The following USP8 variants were observed in gnomAD, a reference collection of about 807,000 sequenced individuals.
USP8 encodes the protein ubiquitin specific peptidase 8.
In USP8, 27 loss-of-function variants were observed where a neutral mutation model predicts 130.0. That is an observed-to-expected ratio of 0.21 (90% CI 0.15 to 0.29). The LOEUF (loss-of-function observed/expected upper bound fraction) is 0.29, where lower values mean the gene tolerates loss of function less well. Ranked by LOEUF, USP8 falls within the 10% of genes least tolerant of loss-of-function variation. USP8 has a pLI of 1.00. For synonymous variants in USP8, 392 were observed against 444.1 expected (o/e 0.88, Z 1.48); for missense variants, 1,029 against 1,312.2 (o/e 0.78, Z 3.33).
At position 50,439,193 on chromosome 15, in the gene USP8, C is replaced by T. The variant is rs11632708; in HGVS notation, c.104+16C>T. On this transcript the variant is annotated intron_variant, in intron 2 of 19. Coordinates refer to ENST00000307179, the MANE Select transcript of USP8 (RefSeq NM_005154.5). Reference sequence around the variant, plus strand: ...GCACTAAGAGGTATGATGTATCCTTCGCTAGTTTGATTGAATCAAATATTA... The same window carrying T: ...GCACTAAGAGGTATGATGTATCCTTTGCTAGTTTGATTGAATCAAATATTA... 225,942 of 1,365,970 alleles carry T rather than the reference C, an allele frequency of 0.17. 20,660 individuals carry two copies. Among genetic ancestry groups the T allele is most frequent in the Admixed American group, 0.3 (11,145 of 37,566 alleles). The allele number at this position is 1,365,970 out of a possible 1,614,324, so 84.6% of individuals were successfully genotyped here.
chr15:50,498,757 T>C (rs2052509486), intron 19 of USP8, 29 bp downstream of exon 19: 1 of 1,576,342 alleles, frequency 6.3e-7, no homozygotes, highest in Non-Finnish European at 8.6e-7. Context: ...TGAAGACTTT[T>C]TGTTTCAAAG....
At position 50,495,234 on chromosome 15, in the gene USP8, A is replaced by G. The variant is rs12917204; in HGVS notation, c.2659-614A>G. 4.4e-4 allele frequency among the ~76,000 whole-genome samples: 49 copies of G among 111,102 alleles called. 1 individual carries two copies. The highest frequency in any genetic ancestry group is 9.5e-4 in the African/African-American group (33 of 34,822). The allele number at this position is 111,102 out of a possible 152,430, so 72.9% of individuals were successfully genotyped here. A position where few individuals can be genotyped will look rare whatever the true frequency, so the allele number is the denominator to read the frequency against. On this transcript the variant is annotated intron_variant, in intron 16 of 19. Transcript: ENST00000307179. ...CACACCTACACAAAAATATTTGTGT[A>G]TATATATATACGTGTATATATACAT...
At chr15:50,495,118 A>C (rs2052325803) in intron 16 of USP8, among the ~76,000 whole-genome samples, 1 of 151,854 alleles carries the variant, frequency 6.6e-6, no homozygotes, top group Admixed American at 6.6e-5. Flanking sequence ...CCCTCCATTT[A>C]CATACTACAA....
chr15:50,465,001 T>G (rs2051135666), intron 6 of USP8, 46 bp from the exon 7 acceptor site: 2 of 1,603,358 alleles, frequency 1.2e-6, no homozygotes, highest in Non-Finnish European at 1.7e-6. Flanking sequence ...TGTCAGCACA[T>G]CTTGTGCTGT....
intron 12 of USP8, among the ~76,000 whole-genome samples, chr15:50,484,825 TC>T (rs2051897365): frequency 6.6e-6 from 1 of 152,196 alleles, no homozygotes; most frequent in South Asian, 2.1e-4. Context: ...GGAAAGAAAT[TC>T]TGACACGTTA....
At chr15:50,451,033 A>G (rs181206523) in intron 4 of USP8, among the ~76,000 whole-genome samples, 2 of 152,312 alleles carry the variant, frequency 1.3e-5, no homozygotes, top group South Asian at 4.1e-4. Flanking sequence ...GAGGAAACTG[A>G]AAGATTTAAC....
chr15:50,424,928 T>C (rs2049657493), intron 1 of USP8, among the ~76,000 whole-genome samples: 1 of 152,014 alleles, frequency 6.6e-6, no homozygotes, highest in Admixed American at 6.6e-5. Flanking sequence ...TTGATTTTAG[T>C]GAAGTTTGAG....
intron 4 of USP8, among the ~76,000 whole-genome samples, chr15:50,456,017 C>A (rs746876164): frequency 6.6e-6 from 1 of 152,190 alleles, no homozygotes; most frequent in African/African-American, 2.4e-5. Context: ...CATCTACTTT[C>A]TTCCTGATTA....
In USP8 at chr15:50,459,311, C is replaced by T. The variant is rs138826675; in HGVS notation, c.498+149C>T. On this transcript the variant is annotated intron_variant, in intron 5 of 19. Transcript: ENST00000307179. ...TTAGAAATTTATTTAAGGCTGGGCA[C>T]GGTGGCTCACGCCTGTAATCCCAGC... 1,681 of 1,157,938 alleles carry T rather than the reference C, an allele frequency of 1.5e-3. 25 individuals carry two copies. The African/African-American group carries it at 0.023, about 16-fold the overall frequency. The allele number at this position is 1,157,938 out of a possible 1,614,324, so 71.7% of individuals were successfully genotyped here.
At chr15:50,474,272 G>A (rs1312188194) in intron 8 of USP8, among the ~76,000 whole-genome samples, 1 of 152,116 alleles carries the variant, frequency 6.6e-6, no homozygotes, top group East Asian at 1.9e-4. Flanking sequence ...CACAGTGCTG[G>A]TATTACAGGT....
chr15:50,510,828 G>C lies in USP8; in HGVS notation c.*11740G>C, dbSNP rs959033310. 1.3e-5 allele frequency: 2 copies of C among 151,948 alleles called. No individual in the cohort carries two copies. Among genetic ancestry groups the C allele is most frequent in the African/African-American group, 4.8e-5 (2 of 41,338 alleles). 9.4% of individuals were successfully genotyped at this position (151,948 alleles called of 1,614,324 possible). On this transcript the variant is annotated 3_prime_UTR_variant, in exon 20 of 20. Coordinates refer to ENST00000307179, the MANE Select transcript of USP8 (RefSeq NM_005154.5). The stretch of plus-strand genomic sequence containing the variant: ...GTCTCGCTCTGTCTCCCAGGCTGGA[G>C]TGCAGTGGCGCTATCTCGGCTCACT...
chr15:50,491,084 C>A (rs906079572), intron 14 of USP8, among the ~76,000 whole-genome samples: 1 of 152,142 alleles, frequency 6.6e-6, no homozygotes, highest in African/African-American at 2.4e-5. Flanking sequence ...TTTCATTTAG[C>A]TATACTTCTG....
At chr15:50,472,414 T>C (rs1046142370) in intron 8 of USP8, among the ~76,000 whole-genome samples, 9 of 145,278 alleles carry the variant, frequency 6.2e-5, no homozygotes, top group Admixed American at 4.1e-4. Flanking sequence ...GCTAACACAG[T>C]GAAACCCCAT....
At position 50,500,641 on chromosome 15, in the gene USP8, C is replaced by T; in HGVS notation, c.*1553C>T. ...TTGTTTTGCAGTGTTCAGGAAACAC[C>T]ATTTTCCTGGCTCTTAACGCTTTTG... On this transcript the variant is annotated 3_prime_UTR_variant, in exon 20 of 20. Coordinates refer to ENST00000307179, the MANE Select transcript of USP8 (RefSeq NM_005154.5). 1.2e-6 allele frequency: 1 copy of T among 858,884 alleles called. No homozygotes were observed. The highest frequency in any genetic ancestry group is 1.6e-5 in the South Asian group (1 of 63,826). The allele number at this position is 858,884 out of a possible 1,614,324, so 53.2% of individuals were successfully genotyped here.
At chr15:50,449,519 A>G in intron 4 of USP8, 34 bp downstream of exon 4, 1 of 1,318,760 alleles carries the variant, frequency 7.6e-7, no homozygotes. Flanking sequence ...AAATAATGTA[A>G]ATTTAGAAGA....
intron 11 of USP8, among the ~76,000 whole-genome samples, chr15:50,482,749 C>G (rs1313012067): frequency 6.6e-6 from 1 of 151,976 alleles, no homozygotes; most frequent in Non-Finnish European, 1.5e-5. Flanking sequence ...TTTATAATAC[C>G]AAGAACAGTT....
chr15:50,470,325 T>TGTGTGC (rs1305729100), intron 7 of USP8, among the ~76,000 whole-genome samples: 2 of 151,898 alleles, frequency 1.3e-5, no homozygotes, highest in African/African-American at 2.4e-5. Context: ...GGGAATATCA[T>TGTGTGC]GTGTGCGTGT....
chr15:50,513,601 A>T lies in USP8; in HGVS notation c.*14513A>T, dbSNP rs2052768563. The T allele has an allele frequency of 6.6e-6, 1 of 152,078 alleles. No individual in the cohort carries two copies. Among genetic ancestry groups the T allele is most frequent in the Non-Finnish European group, 1.5e-5 (1 of 68,032 alleles). The allele number at this position is 152,078 out of a possible 1,614,324, so 9.4% of individuals were successfully genotyped here. A position where few individuals can be genotyped will look rare whatever the true frequency, so the allele number is the denominator to read the frequency against. On this transcript the variant is annotated 3_prime_UTR_variant, in exon 20 of 20. Coordinates refer to ENST00000307179, the MANE Select transcript of USP8 (RefSeq NM_005154.5). ...GTACACTCAAGATTTAAAAAGAACT[A>T]CAATTCCATAAGAAAAAGGCAGGCC...
rs555583500 is a variant in USP8, at chr15:50,499,997, TAC to T, written c.*911_*912del. On this transcript the variant is annotated 3_prime_UTR_variant, in exon 20 of 20. Coordinates refer to ENST00000307179, the MANE Select transcript of USP8 (RefSeq NM_005154.5). Reference sequence around the variant, plus strand: ...TGAACTGCATTATAAACTACATCTTTACAGAGTGATGTATTAAGAGGGTTAAA... The same window carrying T: ...TGAACTGCATTATAAACTACATCTTTAGAGTGATGTATTAAGAGGGTTAAA... 6 of 152,266 alleles carry T rather than the reference TAC, an allele frequency of 3.9e-5. No homozygotes were observed. In the South Asian group the frequency reaches 1.0e-3, roughly 26 times the overall value. The allele number at this position is 152,266 out of a possible 1,614,324, so 9.4% of individuals were successfully genotyped here.
Sources: gnomAD v4.1 joint callset for allele counts (sites outside exome capture counted in the v4.1 genomes callset) on GRCh38, gnomAD v4.1.1 for gene constraint, MANE v1.5 for transcripts, NCBI Gene and HGNC (gene_info 2026-07-23, HGNC 2026-07-21) for gene names.